Variants in ATL2 observed in about 807,000 individuals in gnomAD.
The protein encoded by ATL2 is atlastin GTPase 2.
ATL2 carries 31 observed loss-of-function variants against 73.9 expected under a neutral mutation model. The ratio of observed to expected loss-of-function variants is 0.42; its 90% CI spans 0.32 to 0.57. The LOEUF is 0.57. ATL2 is among the 20% of genes least tolerant of loss of function. The pLI is 0.14. For synonymous variants in ATL2, 291 were observed against 237.5 expected (o/e 1.23, Z -2.07); for missense variants, 738 against 702.6 (o/e 1.05, Z -0.57).
intron 2 of ATL2, among the ~76,000 whole-genome samples, chr2:38,332,066 G>A (rs1669028043): frequency 6.6e-6 from 1 of 152,108 alleles, no homozygotes; most frequent in African/African-American, 2.4e-5. Context: ...AGTCACAAAA[G>A]ACCACATTTT....
chr2:38,314,984 C>G lies in ATL2; in HGVS notation c.654+300G>C, dbSNP rs1360002283. Among the ~76,000 whole-genome samples, 5 of 152,220 alleles carry G rather than the reference C, an allele frequency of 3.3e-5. No homozygotes were observed. The East Asian group carries it at 9.6e-4, about 29-fold the overall frequency. ...ATGTGCTCGCAGACGGGCGCAGCGG[C>G]TCACGCCGGGTAATCCCAGCACTTT... On this transcript the variant is annotated intron_variant, in intron 5 of 12. Coordinates refer to ENST00000378954, the MANE Select transcript of ATL2 (RefSeq NM_001135673.4).
At chr2:38,340,971 T>C (rs1468248083) in intron 2 of ATL2, among the ~76,000 whole-genome samples, 3 of 152,148 alleles carry the variant, frequency 2.0e-5, no homozygotes, top group Non-Finnish European at 4.4e-5. Context: ...GAGAGTTCCG[T>C]TTGTGCAGAG....
At chr2:38,309,711 C>G (rs1021616669) in intron 8 of ATL2, among the ~76,000 whole-genome samples, 8 of 151,938 alleles carry the variant, frequency 5.3e-5, no homozygotes, top group Admixed American at 2.0e-4. Flanking sequence ...CCCATTTTCC[C>G]CAACCCCCTA....
chr2:38,343,555 A>G (rs1227036581), intron 1 of ATL2, 43 bp from the exon 2 acceptor site: 2 of 1,567,634 alleles, frequency 1.3e-6, no homozygotes, highest in African/African-American at 2.8e-5. Flanking sequence ...TAATCCCTAT[A>G]TTACGAACTT....
At chr2:38,368,602 C>T (rs1176010540) in intron 1 of ATL2, among the ~76,000 whole-genome samples, 1 of 152,060 alleles carries the variant, frequency 6.6e-6, no homozygotes, top group Non-Finnish European at 1.5e-5. Flanking sequence ...ACTAAGACTA[C>T]CACTAATAAG....
At chr2:38,357,992 C>G (rs1670777966) in intron 1 of ATL2, among the ~76,000 whole-genome samples, 1 of 152,150 alleles carries the variant, frequency 6.6e-6, no homozygotes, top group Admixed American at 6.5e-5. Flanking sequence ...CAGTGCTAGT[C>G]AAGCTTAACA....
intron 1 of ATL2, among the ~76,000 whole-genome samples, chr2:38,346,179 C>T (rs1462359226): frequency 1.3e-5 from 2 of 152,148 alleles, no homozygotes; most frequent in African/African-American, 4.8e-5. Context: ...CAATAACCAC[C>T]TTCTTAATTT....
chr2:38,320,157 T>C (rs1415545713), intron 2 of ATL2, among the ~76,000 whole-genome samples: 1 of 152,184 alleles, frequency 6.6e-6, no homozygotes, highest in Non-Finnish European at 1.5e-5. Flanking sequence ...AAGACTTGTT[T>C]GGAGCCTGAT....
intron 1 of ATL2, among the ~76,000 whole-genome samples, chr2:38,346,055 G>C (rs1573539288): frequency 6.6e-6 from 1 of 152,316 alleles, no homozygotes; most frequent in South Asian, 2.1e-4. Context: ...CACTTGACCA[G>C]TGTAGCTGCG....
chr2:38,328,978 TCTTCATTA>T (rs1283884945), intron 2 of ATL2, among the ~76,000 whole-genome samples: 2 of 151,528 alleles, frequency 1.3e-5, no homozygotes, highest in Non-Finnish European at 2.9e-5. Context: ...CAAAGAAGAA[TCTTCATTA>T]CTAATTCCTT....
chr2:38,360,693 C>T (rs941522795), intron 1 of ATL2, among the ~76,000 whole-genome samples: 2 of 151,766 alleles, frequency 1.3e-5, no homozygotes, highest in African/African-American at 4.8e-5. Flanking sequence ...CACCTCAAGT[C>T]AAGACCAAAA....
In ATL2 at chr2:38,376,126, G is replaced by A. The variant is rs1006475291; in HGVS notation, c.118+1017C>T. 1.3e-5 allele frequency: 20 copies of A among 1,519,310 alleles called. No homozygotes were observed. The East Asian group carries it at 3.7e-4, about 28-fold the overall frequency. The allele number at this position is 1,519,310 out of a possible 1,614,324, so 94.1% of individuals were successfully genotyped here. On this transcript the variant is annotated intron_variant, in intron 1 of 12. Coordinates refer to ENST00000378954, the MANE Select transcript of ATL2 (RefSeq NM_001135673.4). ...CTTGGCCGTACTTACCAAATCGTAG[G>A]CTTTTACTATTTATAAGCCTTTGAA...
chr2:38,377,384 C>T (rs1300346793), upstream of ATL2: 4 of 709,914 alleles, frequency 5.6e-6, no homozygotes, highest in Non-Finnish European at 8.7e-6. Flanking sequence ...ATCTCCTCGC[C>T]CTCCGCCTGT....
At chr2:38,323,563 CATAAT>C (rs1668443089) in intron 2 of ATL2, among the ~76,000 whole-genome samples, 1 of 151,908 alleles carries the variant, frequency 6.6e-6, no homozygotes, top group Non-Finnish European at 1.5e-5. Flanking sequence ...AGACGTTCTA[CATAAT>C]ATAATTATCA....
At chr2:38,325,699 T>TACGTAC (rs1668597819) in intron 2 of ATL2, among the ~76,000 whole-genome samples, 2 of 11,316 alleles carry the variant, frequency 1.8e-4, no homozygotes, top group Admixed American at 2.0e-3. Flanking sequence ...CACACACCAG[T>TACGTAC]ACACACACAC....
intron 9 of ATL2, among the ~76,000 whole-genome samples, chr2:38,303,116 CAA>C (rs1301990278): frequency 6.6e-6 from 1 of 152,032 alleles, no homozygotes; most frequent in African/African-American, 2.4e-5. Flanking sequence ...ATAAAGTGAA[CAA>C]AGAGACTGAA....
At chr2:38,345,894 C>G (rs1236260868) in intron 1 of ATL2, among the ~76,000 whole-genome samples, 1 of 152,220 alleles carries the variant, frequency 6.6e-6, no homozygotes, top group African/African-American at 2.4e-5. Flanking sequence ...TTACCTAACT[C>G]ATAGGGTTGT....
At chr2:38,373,473 G>A (rs187595765) in intron 1 of ATL2, among the ~76,000 whole-genome samples, 21 of 152,262 alleles carry the variant, frequency 1.4e-4, no homozygotes, top group African/African-American at 4.8e-4. Flanking sequence ...GTACTGGTCC[G>A]AAGACCAAAT....
intron 2 of ATL2, among the ~76,000 whole-genome samples, chr2:38,339,234 GA>G (rs1669555046): frequency 6.6e-6 from 1 of 151,862 alleles, no homozygotes; most frequent in South Asian, 2.1e-4. Flanking sequence ...TCAAGATCAT[GA>G]AAAAAGGGAA....
Sources: gnomAD v4.1 joint callset for allele counts (sites outside exome capture counted in the v4.1 genomes callset) on GRCh38, gnomAD v4.1.1 for gene constraint, MANE v1.5 for transcripts, NCBI Gene and HGNC (gene_info 2026-07-23, HGNC 2026-07-21) for gene names.